KMT2C: variants seen among roughly 807,000 people sequenced by gnomAD.
KMT2C encodes histone-lysine N-methyltransferase 2C.
Under a neutral mutation model 507.9 loss-of-function variants are expected in KMT2C, and 88 were observed. The observed-to-expected ratio is 0.17, with a 90% CI of 0.15 to 0.21. KMT2C has a LOEUF of 0.21. Among genes scored for constraint, KMT2C ranks in the 10% least tolerant of loss-of-function variants. KMT2C has a pLI of 1.00. For missense variants in KMT2C, 4,954 were observed against 5,957.8 expected (o/e 0.83, Z 5.55); for synonymous variants, 2,049 against 2,080.8 (o/e 0.98, Z 0.42).
intron 44 of KMT2C, among the ~76,000 whole-genome samples, chr7:152,158,430 C>T (rs1587773779): frequency 6.6e-6 from 1 of 152,010 alleles, no homozygotes; most frequent in East Asian, 1.9e-4. Flanking sequence ...GGATACGGTG[C>T]AATTCTGCTT....
intron 2 of KMT2C, among the ~76,000 whole-genome samples, chr7:152,355,859 AG>A (rs943534207): frequency 6.6e-6 from 1 of 152,202 alleles, no homozygotes; most frequent in African/African-American, 2.4e-5. Flanking sequence ...GAAGCTGTAT[AG>A]TACCTAAAAG....
intron 1 of KMT2C, among the ~76,000 whole-genome samples, chr7:152,361,611 C>T (rs1745097839): frequency 1.3e-5 from 2 of 151,826 alleles, no homozygotes; most frequent in South Asian, 4.2e-4. Flanking sequence ...TGATAGAAAA[C>T]ATTAAAATAA....
intron 2 of KMT2C, among the ~76,000 whole-genome samples, chr7:152,331,035 T>C (rs1229514738): frequency 6.6e-6 from 1 of 152,102 alleles, no homozygotes; most frequent in East Asian, 1.9e-4. Flanking sequence ...TGGCCAGGCA[T>C]GGTGGCTCAT....
rs2129166855 is a variant in KMT2C, at chr7:152,252,635, G to A, written c.1380C>T (p.Tyr460=). ...HHNCLICDNC[Y]QQQDNLCPFC... Reference sequence around the variant, plus strand: ...AGGGACATAAGTTATCCTGCTGTTGGTAACAATTGTCACATATCAGGCAAT... The same window carrying A: ...AGGGACATAAGTTATCCTGCTGTTGATAACAATTGTCACATATCAGGCAAT... Residue 460 remains tyrosine, a synonymous_variant, in exon 10 of 59, where the codon TAC becomes TAT. Coordinates refer to ENST00000262189, the MANE Select transcript of KMT2C (RefSeq NM_170606.3). 1 of 1,613,042 alleles carries A rather than the reference G, an allele frequency of 6.2e-7. No homozygotes were observed. The highest frequency in any genetic ancestry group is 1.3e-5 in the African/African-American group (1 of 75,002).
chr7:152,251,117 A>G, intron 11 of KMT2C, 151 bp from the exon 12 acceptor site: 1 of 591,218 alleles, frequency 1.7e-6, no homozygotes, highest in Non-Finnish European at 3.0e-6. Context: ...AACCACATGT[A>G]TATTTACATT....
chr7:152,338,810 A>G (rs1033960842), intron 2 of KMT2C, among the ~76,000 whole-genome samples: 12 of 152,186 alleles, frequency 7.9e-5, no homozygotes, highest in African/African-American at 1.7e-4. Context: ...AAATACATCA[A>G]TATTAAAGAG....
In KMT2C at chr7:152,148,809, G is replaced by A; in HGVS notation, c.13118C>T (p.Pro4373Leu). 6.2e-6 allele frequency: 10 copies of A among 1,614,162 alleles called. No homozygotes were observed. The highest frequency in any genetic ancestry group is 8.5e-6 in the Non-Finnish European group (10 of 1,180,020). The change falls in exon 52 of 59, where the codon CCA becomes CTA. Residue 4373 changes from proline (P) to leucine (L), a missense_variant. Pro to Leu is a moderately conservative substitution (Grantham distance 98, BLOSUM62 -3). This residue lies in a region of KMT2C where 417 missense variants were observed against 461.1 expected (regional missense o/e 0.90). Coordinates refer to ENST00000262189, the MANE Select transcript of KMT2C (RefSeq NM_170606.3). This position sits in a 1 kb window ranked among gnomAD's most constrained non-coding sequence, Gnocchi z 7.1. ...HIVIPKGTFKPPCEDEIDEFL... is the reference protein window; with the variant it reads ...HIVIPKGTFKLPCEDEIDEFL... Reference sequence around the variant, plus strand: ...TTCATCTATTTCATCCTCACAAGGTGGTTTAAATGTCCCCTTAGGGATTAC... The same window carrying A: ...TTCATCTATTTCATCCTCACAAGGTAGTTTAAATGTCCCCTTAGGGATTAC...
Position 152,366,770 on chromosome 7 carries a change from A to C in KMT2C, c.162-8095T>G, listed in dbSNP as rs6979801. The C allele has an allele frequency of 7.4e-3, 1,476 of 199,960 alleles. 27 individuals are homozygous for C. The highest frequency in any genetic ancestry group is 0.033 in the African/African-American group (1,409 of 42,464). 12.4% of individuals were successfully genotyped at this position (199,960 alleles called of 1,614,324 possible). A position where few individuals can be genotyped will look rare whatever the true frequency, so the allele number is the denominator to read the frequency against. On this transcript the variant is annotated intron_variant, in intron 1 of 58. Transcript: ENST00000262189. ...ACAGACGGCCGGGCGGGATGTAACC[A>C]GCCGCTGAGCTGCAGCCCTTCCGTG...
intron 1 of KMT2C, among the ~76,000 whole-genome samples, chr7:152,420,984 A>T (rs10952351): frequency 6.6e-6 from 1 of 151,914 alleles, no homozygotes; most frequent in African/African-American, 2.4e-5. Flanking sequence ...CAAACCTGCA[A>T]GTTGTGCACA....
chr7:152,210,390 TTAGTTCTTCACTTTTAATCATGCA>T (rs1315456401), intron 23 of KMT2C, among the ~76,000 whole-genome samples: 10 of 152,210 alleles, frequency 6.6e-5, no homozygotes, highest in Non-Finnish European at 1.3e-4. Flanking sequence ...GTCTCCATCT[TTAGTTCTTCACTTTTAATCATGCA>T]TGTACCATAA....
rs2089787228 is a variant in KMT2C, at chr7:152,135,295, T to A, written c.*1537A>T. On this transcript the variant is annotated 3_prime_UTR_variant, in exon 59 of 59. Coordinates refer to ENST00000262189, the MANE Select transcript of KMT2C (RefSeq NM_170606.3). ...ATTGTGCACACAAAACTTCATTTTA[T>A]ACTTAGCCTGTGAAGTGTCAGTACC... 1 of 219,422 alleles carries A rather than the reference T, an allele frequency of 4.6e-6. No homozygotes were observed. The highest frequency in any genetic ancestry group is 9.2e-6 in the Non-Finnish European group (1 of 109,184). 13.6% of individuals were successfully genotyped at this position (219,422 alleles called of 1,614,324 possible). A position where few individuals can be genotyped will look rare whatever the true frequency, so the allele number is the denominator to read the frequency against.
At chr7:152,297,204 T>C (rs2096524644) in intron 6 of KMT2C, among the ~76,000 whole-genome samples, 1 of 152,038 alleles carries the variant, frequency 6.6e-6, no homozygotes, top group Non-Finnish European at 1.5e-5. Context: ...GAGCCCTACA[T>C]ATGCCCCAGC....
chr7:152,286,996 T>G (rs1291509602), intron 6 of KMT2C, among the ~76,000 whole-genome samples: 1 of 152,334 alleles, frequency 6.6e-6, no homozygotes, highest in African/African-American at 2.4e-5. Context: ...ATATACCTTT[T>G]GCAAAGACTT....
chr7:152,193,933 G>A (rs1588105072), intron 31 of KMT2C, 76 bp downstream of exon 31: 1 of 1,293,188 alleles, frequency 7.7e-7, no homozygotes, highest in Non-Finnish European at 1.0e-6. Flanking sequence ...GGCAAAACTT[G>A]CTTGTGTGTG....
chr7:152,141,511 C>T (rs926743877), intron 55 of KMT2C, among the ~76,000 whole-genome samples: 1 of 147,806 alleles, frequency 6.8e-6, no homozygotes, highest in African/African-American at 2.5e-5. Context: ...AGTTTGAGGA[C>T]CAGCCTGGCC....
chr7:152,373,632 T>C (rs1009725491), intron 1 of KMT2C, among the ~76,000 whole-genome samples: 7 of 152,220 alleles, frequency 4.6e-5, no homozygotes, highest in Admixed American at 2.6e-4. Flanking sequence ...ATATCACTAA[T>C]GTCTACTTAG....
chr7:152,337,472 A>G (rs529525985), intron 2 of KMT2C, among the ~76,000 whole-genome samples: 5 of 152,292 alleles, frequency 3.3e-5, no homozygotes, highest in Admixed American at 2.6e-4. Context: ...TCCACCTCCA[A>G]TGACTCTAAT....
intron 2 of KMT2C, among the ~76,000 whole-genome samples, chr7:152,352,733 CT>C (rs1433408779): frequency 6.6e-6 from 1 of 152,172 alleles, no homozygotes; most frequent in African/African-American, 2.4e-5. Context: ...CTATTCTCCA[CT>C]AAAAAACTAG....
At chr7:152,264,449 A>G (rs1414797379) in intron 8 of KMT2C, among the ~76,000 whole-genome samples, 1 of 152,190 alleles carries the variant, frequency 6.6e-6, no homozygotes, top group Non-Finnish European at 1.5e-5. Flanking sequence ...ACCCCCTTAC[A>G]AATTTGTAAA....
Sources: allele counts gnomAD v4.1 joint callset (sites outside exome capture counted in the v4.1 genomes callset), GRCh38; gene constraint gnomAD v4.1.1; regional missense constraint gnomAD v4.1.1; non-coding constraint Gnocchi (gnomAD v3.1); transcripts MANE v1.5; gene names NCBI Gene and HGNC (gene_info 2026-07-23, HGNC 2026-07-21).